Variants in STRBP observed in about 807,000 individuals in gnomAD.
The protein encoded by STRBP is spermatid perinuclear RNA-binding protein.
STRBP carries 13 observed loss-of-function variants against 80.1 expected under a neutral mutation model. The ratio of observed to expected loss-of-function variants is 0.16; its 90% CI spans 0.11 to 0.26. STRBP has a LOEUF of 0.26. Among genes scored for constraint, STRBP ranks in the 10% least tolerant of loss-of-function variants. STRBP has a pLI of 1.00. For synonymous variants in STRBP, 284 were observed against 291.2 expected (o/e 0.98, Z 0.25); for missense variants, 485 against 815.2 (o/e 0.59, Z 4.93).
At position 123,257,933 on chromosome 9, in the gene STRBP, T is replaced by G. The variant is rs117821063; in HGVS notation, c.-302+10503A>C. Reference sequence around the variant, plus strand: ...GTATAGAATTATTATATCTATATCTTTGTATATCCCCATGCAACCAGCATA... The same window carrying G: ...GTATAGAATTATTATATCTATATCTGTGTATATCCCCATGCAACCAGCATA... On this transcript the variant is annotated intron_variant, in intron 1 of 18. Coordinates refer to ENST00000348403, the MANE Select transcript of STRBP (RefSeq NM_018387.5). 9.9e-4 allele frequency among the ~76,000 whole-genome samples: 151 copies of G among 152,086 alleles called. 3 individuals are homozygous for G. The East Asian group carries it at 0.02, about 20-fold the overall frequency.
chr9:123,139,306 G>A (rs1310448564), intron 14 of STRBP, among the ~76,000 whole-genome samples: 1 of 151,854 alleles, frequency 6.6e-6, no homozygotes, highest in Non-Finnish European at 1.5e-5. Context: ...TTTTTAAAGT[G>A]AAAAAAATCA....
At chr9:123,140,893 T>C (rs980994796) in intron 13 of STRBP, among the ~76,000 whole-genome samples, 6 of 152,222 alleles carry the variant, frequency 3.9e-5, no homozygotes, top group African/African-American at 1.4e-4. Flanking sequence ...ACCTTCCTGA[T>C]TATACTGCTT....
intron 4 of STRBP, among the ~76,000 whole-genome samples, chr9:123,177,500 G>T (rs186402392): frequency 6.6e-6 from 1 of 152,166 alleles, no homozygotes; most frequent in Non-Finnish European, 1.5e-5. Context: ...TTGAGCCCAG[G>T]AGTTCAAGGC....
chr9:123,226,983 AAG>A (rs1564318623), intron 2 of STRBP, among the ~76,000 whole-genome samples: 1 of 152,196 alleles, frequency 6.6e-6, no homozygotes, highest in African/African-American at 2.4e-5. Context: ...GAGCGAGAGA[AAG>A]AGATCTAATT....
Position 123,125,021 on chromosome 9 carries a change from T to C in STRBP, c.*576A>G, listed in dbSNP as rs2035841734. ...ATTTGATACCAAAACATATCAAAAA[T>C]AATAAGCTAAAACAATATTCAAACC... On this transcript the variant is annotated 3_prime_UTR_variant, in exon 19 of 19. Transcript: ENST00000348403. 2.0e-6 allele frequency: 2 copies of C among 985,344 alleles called. No homozygotes were observed. Among genetic ancestry groups the C allele is most frequent in the South Asian group, 4.7e-5 (1 of 21,282 alleles). 61.0% of individuals were successfully genotyped at this position (985,344 alleles called of 1,614,324 possible). A position where few individuals can be genotyped will look rare whatever the true frequency, so the allele number is the denominator to read the frequency against.
chr9:123,261,006 T>C (rs1202794184), intron 1 of STRBP, among the ~76,000 whole-genome samples: 1 of 152,214 alleles, frequency 6.6e-6, no homozygotes, highest in Non-Finnish European at 1.5e-5. Flanking sequence ...TATAACTCTG[T>C]AAATTAGGAG....
intron 2 of STRBP, among the ~76,000 whole-genome samples, chr9:123,233,207 G>A (rs1028866055): frequency 2.0e-5 from 3 of 152,058 alleles, no homozygotes; most frequent in Admixed American, 6.6e-5. Context: ...CCAAGTAGCT[G>A]GACTACAGGC....
rs1179945444 is a variant in STRBP, at chr9:123,115,314, G to A, written c.*84+615C>T. On this transcript the variant is annotated intron_variant and NMD_transcript_variant, in intron 3 of 3. Coordinates refer to the STRBP transcript ENST00000471564. The surrounding 1 kb of genome is among the most constrained non-coding windows in gnomAD (Gnocchi z 5.0). ...ATTACTCAGTAAGCACTTCTCTCCT[G>A]AGGCCTGGCTCCTCTCCTGCCCTCG... is the stretch of plus-strand genomic sequence containing the variant. 2.1e-6 allele frequency: 1 copy of A among 471,128 alleles called. No individual in the cohort carries two copies. The highest frequency in any genetic ancestry group is 2.3e-5 in the Admixed American group (1 of 42,588). 29.2% of individuals were successfully genotyped at this position (471,128 alleles called of 1,614,324 possible).
chr9:123,145,394 T>C (rs1238168943), intron 13 of STRBP, among the ~76,000 whole-genome samples: 1 of 152,208 alleles, frequency 6.6e-6, no homozygotes, highest in African/African-American at 2.4e-5. Context: ...CATTGCAAAA[T>C]GTGCCACTCT....
chr9:123,122,428 T>C lies in STRBP; in HGVS notation c.*3169A>G. On this transcript the variant is annotated 3_prime_UTR_variant, in exon 19 of 19. Transcript: ENST00000348403. ...GTGGCTGATTCATGATTTTCAAACATTCACCCAAAATTAAAAAAAAAAAAA... is the reference window on the plus strand; with the variant it reads ...GTGGCTGATTCATGATTTTCAAACACTCACCCAAAATTAAAAAAAAAAAAA... The C allele has an allele frequency of 8.8e-7, 1 of 1,135,178 alleles. No homozygotes were observed. Among genetic ancestry groups the C allele is most frequent in the South Asian group, 1.7e-5 (1 of 58,526 alleles). The allele number at this position is 1,135,178 out of a possible 1,614,324, so 70.3% of individuals were successfully genotyped here. A position where few individuals can be genotyped will look rare whatever the true frequency, so the allele number is the denominator to read the frequency against.
In STRBP at chr9:123,122,255, T is replaced by C. The variant is rs1410732700; in HGVS notation, c.*3342A>G. On this transcript the variant is annotated 3_prime_UTR_variant, in exon 19 of 19. Coordinates refer to ENST00000348403, the MANE Select transcript of STRBP (RefSeq NM_018387.5). ...CTCAGCCTATTTTATACAAGTGATATGGCTACGAAGGTCCGAGGAGAACGA... is the reference window on the plus strand; with the variant it reads ...CTCAGCCTATTTTATACAAGTGATACGGCTACGAAGGTCCGAGGAGAACGA... 8.9e-7 allele frequency: 1 copy of C among 1,128,986 alleles called. No homozygotes were observed. The highest frequency in any genetic ancestry group is 1.2e-6 in the Non-Finnish European group (1 of 843,722). The allele number at this position is 1,128,986 out of a possible 1,614,324, so 69.9% of individuals were successfully genotyped here.
At chr9:123,130,897 T>A (rs949315938) in intron 17 of STRBP, among the ~76,000 whole-genome samples, 1 of 152,168 alleles carries the variant, frequency 6.6e-6, no homozygotes, top group African/African-American at 2.4e-5. Context: ...GGTCTCCCCC[T>A]TTCTTCTTCC....
At chr9:123,220,764 T>C (rs973750751) in intron 2 of STRBP, among the ~76,000 whole-genome samples, 2 of 152,180 alleles carry the variant, frequency 1.3e-5, no homozygotes, top group South Asian at 2.1e-4. Context: ...TGATTTATTT[T>C]TTAAAATGCC....
chr9:123,260,489 C>G (rs1174832521), intron 1 of STRBP, among the ~76,000 whole-genome samples: 1 of 152,078 alleles, frequency 6.6e-6, no homozygotes. Context: ...AGATAAGGAA[C>G]CAGAAGCTCA....
At chr9:123,119,919 T>C (rs1355441880), downstream of STRBP, among the ~76,000 whole-genome samples, 1 of 152,178 alleles carries the variant, frequency 6.6e-6, no homozygotes, top group Non-Finnish European at 1.5e-5. Context: ...TGCATTATGG[T>C]ACTATTTTTA....
intron 17 of STRBP, among the ~76,000 whole-genome samples, chr9:123,130,361 T>C (rs931847497): frequency 1.3e-5 from 2 of 152,204 alleles, no homozygotes; most frequent in Non-Finnish European, 2.9e-5. Context: ...ACTTCATTTT[T>C]AAAAGCTTCG....
intron 2 of STRBP, among the ~76,000 whole-genome samples, chr9:123,236,372 A>G (rs1011824806): frequency 1.3e-5 from 2 of 152,172 alleles, no homozygotes; most frequent in African/African-American, 2.4e-5. Flanking sequence ...AAGCAAGTCT[A>G]TAAAAGTATA....
chr9:123,128,047 C>A (rs2035967377), intron 18 of STRBP, among the ~76,000 whole-genome samples, 167 bp downstream of exon 18: 2 of 152,202 alleles, frequency 1.3e-5, no homozygotes, highest in South Asian at 4.1e-4. Flanking sequence ...TCCAACCAAA[C>A]CAAGAACCAC....
chr9:123,120,450 G>A (rs1400542035), downstream of STRBP, among the ~76,000 whole-genome samples: 8 of 136,818 alleles, frequency 5.8e-5, no homozygotes, highest in Non-Finnish European at 1.1e-4. Flanking sequence ...CTGGTGTATA[G>A]GGCTCTGGAT....
Sources: gnomAD v4.1 joint callset for allele counts (sites outside exome capture counted in the v4.1 genomes callset) on GRCh38, gnomAD v4.1.1 for gene constraint, Gnocchi (gnomAD v3.1) non-coding constraint, MANE v1.5 for transcripts, NCBI Gene and HGNC (gene_info 2026-07-23, HGNC 2026-07-21) for gene names.